The following TRIM2 variants were observed in gnomAD, a reference collection of about 807,000 sequenced individuals.
The protein encoded by TRIM2 is tripartite motif-containing protein 2.
A neutral mutation model predicts 75.2 loss-of-function variants in TRIM2; 20 were observed. That is an observed-to-expected ratio of 0.27 (90% CI 0.19 to 0.39). The LOEUF (loss-of-function observed/expected upper bound fraction) is 0.39, where lower values mean the gene tolerates loss of function less well. Ranked by LOEUF, TRIM2 falls within the 10% of genes least tolerant of loss-of-function variation. TRIM2 has a pLI of 1.00. For missense variants in TRIM2, 660 were observed against 990.8 expected (o/e 0.67, Z 4.48); for synonymous variants, 373 against 388.3 (o/e 0.96, Z 0.46).
At chr4:153,204,349 C>T (rs753543910), upstream of TRIM2, 113 of 641,744 alleles carry the variant, frequency 1.8e-4, no homozygotes, top group Admixed American at 1.1e-4. Flanking sequence ...AGAGGCTGAT[C>T]ATTGGCTCTC....
At chr4:153,222,666 G>C (rs1424107599) in intron 1 of TRIM2, 1 of 152,272 alleles carries the variant, frequency 6.6e-6, no homozygotes, top group Non-Finnish European at 1.5e-5. Context: ...CCTGAGCACA[G>C]AATGGAAATG....
In TRIM2 at chr4:153,315,673, T is replaced by C. The variant is rs575572959; in HGVS notation, c.1614+85T>C. ...ATATATTCCTACTTTAGACTTCAGA[T>C]ACATGGTGTAAGGAAAAAAGCTTAT... On this transcript the variant is annotated intron_variant, in intron 7 of 11. Transcript: ENST00000338700. 2.5e-5 allele frequency: 36 copies of C among 1,441,458 alleles called. No individual in the cohort carries two copies. In the African/African-American group the frequency reaches 3.7e-4, roughly 15 times the overall value. 89.3% of individuals were successfully genotyped at this position (1,441,458 alleles called of 1,614,324 possible).
intron 1 of TRIM2, among the ~76,000 whole-genome samples, chr4:153,216,896 C>G (rs1036194634): frequency 1.3e-5 from 2 of 152,212 alleles, no homozygotes; most frequent in African/African-American, 4.8e-5. Flanking sequence ...GCACCAACCT[C>G]TTAATACTAT....
chr4:153,314,359 G>C (rs1331656148), intron 6 of TRIM2, among the ~76,000 whole-genome samples: 1 of 137,430 alleles, frequency 7.3e-6, no homozygotes, highest in Non-Finnish European at 1.5e-5. Flanking sequence ...GGTGGAGCTT[G>C]CAGTGAGCCG....
intron 3 of TRIM2, among the ~76,000 whole-genome samples, chr4:153,281,908 A>G (rs1759428697): frequency 6.6e-6 from 1 of 152,242 alleles, no homozygotes; most frequent in Non-Finnish European, 1.5e-5. Flanking sequence ...CAAGGGTGTC[A>G]AAGGTGCAAA....
At chr4:153,237,636 C>A (rs530047706) in intron 1 of TRIM2, among the ~76,000 whole-genome samples, 114 of 151,910 alleles carry the variant, frequency 7.5e-4, no homozygotes, top group African/African-American at 2.7e-3. Flanking sequence ...GCTGAGATTG[C>A]GCCATTGCAT....
In TRIM2 at chr4:153,314,576, T is replaced by C. The variant is rs543628655; in HGVS notation, c.1511-909T>C. ...CAGCCTGGGCAATATCGCAAGACCC[T>C]GTCTCAAACAAACAAAACAAATCAA... On this transcript the variant is annotated intron_variant, in intron 6 of 11. Coordinates refer to ENST00000338700, the MANE Select transcript of TRIM2 (RefSeq NM_015271.5). Among the ~76,000 whole-genome samples the C allele has an allele frequency of 1.9e-4, 28 of 149,934 alleles. No individual in the cohort carries two copies. In the East Asian group the frequency reaches 3.9e-3, roughly 21 times the overall value.
At chr4:153,237,168 T>A (rs1745250990) in intron 1 of TRIM2, among the ~76,000 whole-genome samples, 1 of 152,172 alleles carries the variant, frequency 6.6e-6, no homozygotes. Flanking sequence ...AATTAAGGTT[T>A]AACTTGTCTT....
intron 6 of TRIM2, among the ~76,000 whole-genome samples, chr4:153,304,688 G>A (rs138608313): frequency 6.6e-4 from 101 of 152,248 alleles, no homozygotes; most frequent in African/African-American, 2.1e-3. Flanking sequence ...CCACATGCAC[G>A]AGAATGCCTT....
chr4:153,183,455 G>A (rs1291680739), intron 1 of TRIM2, among the ~76,000 whole-genome samples: 1 of 152,216 alleles, frequency 6.6e-6, no homozygotes, highest in Non-Finnish European at 1.5e-5. Flanking sequence ...GCATGTCTGA[G>A]GCTCCAGCTC....
chr4:153,268,324 G>C (rs1187859384), intron 1 of TRIM2, among the ~76,000 whole-genome samples: 1 of 151,870 alleles, frequency 6.6e-6, no homozygotes, highest in Non-Finnish European at 1.5e-5. Flanking sequence ...AGGGAGACTG[G>C]TCCTTAGGCA....
intron 3 of TRIM2, among the ~76,000 whole-genome samples, chr4:153,280,822 C>G (rs1258869804): frequency 6.6e-6 from 1 of 152,054 alleles, no homozygotes; most frequent in African/African-American, 2.4e-5. Context: ...GTAGCTGGGA[C>G]TACAGATGCC....
At chr4:153,181,963 C>T (rs1048113915) in intron 1 of TRIM2, among the ~76,000 whole-genome samples, 1 of 152,188 alleles carries the variant, frequency 6.6e-6, no homozygotes, top group Non-Finnish European at 1.5e-5. Context: ...TAGAAAAAGA[C>T]GTGACTGGGT....
intron 4 of TRIM2, among the ~76,000 whole-genome samples, chr4:153,293,805 GT>G (rs1156489423): frequency 1.2e-4 from 18 of 152,218 alleles, no homozygotes; most frequent in Admixed American, 3.9e-4. Context: ...AATGTTTTAT[GT>G]GGCTAGGGTA....
intron 1 of TRIM2, among the ~76,000 whole-genome samples, chr4:153,217,670 G>T (rs1738850827): frequency 6.6e-6 from 1 of 152,078 alleles, no homozygotes. Context: ...TTCTTTGATT[G>T]ATCACCAGAT....
rs545479822 is a variant in TRIM2, at chr4:153,241,064, G to A, written c.31-29271G>A. Among the ~76,000 whole-genome samples, 12 of 152,320 alleles carry A rather than the reference G, an allele frequency of 7.9e-5. No individual in the cohort carries two copies. The South Asian group carries it at 2.1e-3, about 26-fold the overall frequency. ...TGCACTCCAGCCTGAGTGACAGAGC[G>A]AGACTCCCTCTCAGAAAAACAAACA... On this transcript the variant is annotated intron_variant, in intron 1 of 11. Coordinates refer to ENST00000338700, the MANE Select transcript of TRIM2 (RefSeq NM_015271.5).
chr4:153,251,313 A>G (rs1335306449), intron 1 of TRIM2, among the ~76,000 whole-genome samples: 1 of 152,208 alleles, frequency 6.6e-6, no homozygotes, highest in Non-Finnish European at 1.5e-5. Context: ...CAAACTGACT[A>G]CAGAGAGTCT....
chr4:153,241,808 G>C (rs1746698248), intron 1 of TRIM2, among the ~76,000 whole-genome samples: 1 of 152,206 alleles, frequency 6.6e-6, no homozygotes, highest in Non-Finnish European at 1.5e-5. Flanking sequence ...AAACAGTACA[G>C]AGAGAACGGA....
chr4:153,255,493 A>G (rs569844773), intron 1 of TRIM2, among the ~76,000 whole-genome samples: 1 of 152,298 alleles, frequency 6.6e-6, no homozygotes, highest in Non-Finnish European at 1.5e-5. Context: ...GAGAAGAAGA[A>G]AGGACTCCTG....
Sources: gnomAD v4.1 joint callset for allele counts (sites outside exome capture counted in the v4.1 genomes callset) on GRCh38, gnomAD v4.1.1 for gene constraint, MANE v1.5 for transcripts, NCBI Gene and HGNC (gene_info 2026-07-23, HGNC 2026-07-21) for gene names.